The following LGSN variants were observed in gnomAD, a reference collection of about 807,000 sequenced individuals.
LGSN encodes lengsin, lens protein with glutamine synthetase domain.
A neutral mutation model predicts 19.5 loss-of-function variants in LGSN; 21 were observed. The observed-to-expected ratio is 1.07, with a 90% CI of 0.76 to 1.55. LGSN has a LOEUF of 1.55. Among genes scored for constraint, LGSN ranks in the 40% most tolerant of loss-of-function variants. LGSN has a pLI of 0.00. For synonymous variants in LGSN, 257 were observed against 215.6 expected (o/e 1.19, Z -1.68); for missense variants, 673 against 608.5 (o/e 1.11, Z -1.12).
the LGSN span, among the ~76,000 whole-genome samples, chr6:63,525,242 A>G: frequency 6.6e-6 from 1 of 152,000 alleles, no homozygotes; most frequent in African/African-American, 2.4e-5. Context: ...AGTTATTAGT[A>G]CTCTTTCAGG....
the LGSN span, chr6:63,396,512 GC>G: frequency 6.3e-6 from 1 of 157,670 alleles, no homozygotes. Context: ...TCAGGTATTT[GC>G]CTGAGAGCCC....
intron 1 of LGSN, among the ~76,000 whole-genome samples, chr6:63,318,716 C>T (rs1450599559): frequency 2.6e-5 from 4 of 152,114 alleles, no homozygotes; most frequent in Non-Finnish European, 5.9e-5. Flanking sequence ...CTTTTAAGGA[C>T]TTTCATGGGA....
At chr6:63,517,690 T>C in the LGSN span, among the ~76,000 whole-genome samples, 1 of 152,034 alleles carries the variant, frequency 6.6e-6, no homozygotes, top group Non-Finnish European at 1.5e-5. Flanking sequence ...TATCAGAAAT[T>C]GTCAATAATG....
At chr6:63,289,900 T>C (rs1218158743) in intron 2 of LGSN, among the ~76,000 whole-genome samples, 1 of 152,188 alleles carries the variant, frequency 6.6e-6, no homozygotes. Flanking sequence ...TCTTTCATCA[T>C]TGTGGCTATG....
the LGSN span, among the ~76,000 whole-genome samples, chr6:63,412,706 A>G: frequency 2.8e-3 from 307 of 110,988 alleles, 7 homozygotes; most frequent in African/African-American, 0.012. Flanking sequence ...AAAGAAAGAA[A>G]GAGGGAAGGA....
At chr6:63,365,003 C>A in the LGSN span, among the ~76,000 whole-genome samples, 3 of 152,064 alleles carry the variant, frequency 2.0e-5, no homozygotes, top group Admixed American at 6.6e-5. Context: ...AAAACTGACA[C>A]CCTAACATCA....
the LGSN span, chr6:63,572,046 C>T: frequency 6.6e-6 from 1 of 152,288 alleles, no homozygotes; most frequent in Non-Finnish European, 1.5e-5. Flanking sequence ...AGAAAGCAGG[C>T]TCGACACTGA....
chr6:63,291,263 A>T (rs1767755074), intron 2 of LGSN, among the ~76,000 whole-genome samples: 1 of 152,178 alleles, frequency 6.6e-6, no homozygotes, highest in African/African-American at 2.4e-5. Flanking sequence ...TAACCAGCTC[A>T]GTGGAAATTC....
intron 1 of LGSN, among the ~76,000 whole-genome samples, chr6:63,316,147 T>C (rs1768841506): frequency 6.6e-6 from 1 of 152,146 alleles, no homozygotes; most frequent in Non-Finnish European, 1.5e-5. Context: ...TTTCTAACTG[T>C]TTAATCCTCA....
At chr6:63,454,675 T>C in the LGSN span, among the ~76,000 whole-genome samples, 2 of 151,886 alleles carry the variant, frequency 1.3e-5, no homozygotes, top group African/African-American at 4.8e-5. Flanking sequence ...TTTCACCATT[T>C]TGGCCAAGCT....
chr6:63,552,612 G>A, the LGSN span, among the ~76,000 whole-genome samples: 1 of 152,174 alleles, frequency 6.6e-6, no homozygotes, highest in Non-Finnish European at 1.5e-5. Flanking sequence ...CCTTGCCCAT[G>A]CCTATGTCCT....
chr6:63,481,489 C>CT, the LGSN span, among the ~76,000 whole-genome samples: 1 of 150,534 alleles, frequency 6.6e-6, no homozygotes, highest in East Asian at 2.0e-4. Flanking sequence ...GCTACAGGCG[C>CT]ATGCCACCAT....
chr6:63,456,506 G>A, the LGSN span, among the ~76,000 whole-genome samples: 1 of 150,204 alleles, frequency 6.7e-6, no homozygotes, highest in Non-Finnish European at 1.5e-5. Flanking sequence ...TTACAGCCAT[G>A]AGCCACCACA....
the LGSN span, among the ~76,000 whole-genome samples, chr6:63,519,899 C>T: frequency 3.3e-3 from 498 of 152,324 alleles, 2 homozygotes; most frequent in African/African-American, 0.011. Context: ...TACCACCATA[C>T]TTTATTTTGA....
chr6:63,280,415 C>A lies in LGSN; in HGVS notation c.1136G>T (p.Ser379Ile). ...YSKDRKDLKK[S>I]VPTTWGYNDN... ...ATTGTATCCCCATGTTGTAGGCACA[C>A]TCTTCTTCAGGTCTTTCCTGTCCTT... Residue 379 changes from serine (S) to isoleucine (I), a missense_variant, in exon 4 of 4, where the codon AGT becomes ATT. Ser to Ile is a moderately radical substitution (Grantham distance 142). Coordinates refer to ENST00000370657, the MANE Select transcript of LGSN (RefSeq NM_016571.3). 1.2e-6 allele frequency: 2 copies of A among 1,614,204 alleles called. No homozygotes were observed. The highest frequency in any genetic ancestry group is 2.2e-5 in the South Asian group (2 of 91,082).
rs1767115731 is a variant in LGSN, at chr6:63,276,729, C to T, written c.*3292G>A. 1 of 152,190 alleles carries T rather than the reference C, an allele frequency of 6.6e-6. No homozygotes were observed. Among genetic ancestry groups the T allele is most frequent in the Non-Finnish European group, 1.5e-5 (1 of 68,046 alleles). 9.4% of individuals were successfully genotyped at this position (152,190 alleles called of 1,614,324 possible). ...TCTCCCCTAGTATGATGGCTCCCAG[C>T]TGAAGGCTTAGCACACAAATGGTGC... On this transcript the variant is annotated 3_prime_UTR_variant, in exon 4 of 4. Coordinates refer to ENST00000370657, the MANE Select transcript of LGSN (RefSeq NM_016571.3).
the LGSN span, among the ~76,000 whole-genome samples, chr6:63,329,385 G>A: frequency 6.6e-6 from 1 of 152,190 alleles, no homozygotes; most frequent in Non-Finnish European, 1.5e-5. Context: ...AGGGTATAGG[G>A]GTTGGGTACA....
chr6:63,333,074 A>G, the LGSN span, among the ~76,000 whole-genome samples: 1 of 151,946 alleles, frequency 6.6e-6, no homozygotes, highest in Non-Finnish European at 1.5e-5. Flanking sequence ...CAGTAGCAAG[A>G]TTTATTGCAA....
At chr6:63,363,130 T>C in the LGSN span, among the ~76,000 whole-genome samples, 1 of 152,126 alleles carries the variant, frequency 6.6e-6, no homozygotes, top group South Asian at 2.1e-4. Flanking sequence ...TGCAGCTGAG[T>C]GTTCTCACTG....
Sources: gnomAD v4.1 joint callset for allele counts (sites outside exome capture counted in the v4.1 genomes callset) on GRCh38, gnomAD v4.1.1 for gene constraint, MANE v1.5 for transcripts, NCBI Gene and HGNC (gene_info 2026-07-23, HGNC 2026-07-21) for gene names.